Variants in MYOM2 observed in about 807,000 individuals in gnomAD.
The protein encoded by MYOM2 is myomesin-2.
A neutral mutation model predicts 187.6 loss-of-function variants in MYOM2; 254 were observed. That is an observed-to-expected ratio of 1.35 (90% CI 1.22 to 1.50). MYOM2 has a LOEUF of 1.50. Ranked by LOEUF, MYOM2 falls within the 40% of genes most tolerant of loss-of-function variation. MYOM2 has a pLI of 0.00. For missense variants in MYOM2, 2,796 were observed against 1,924.0 expected (o/e 1.45, Z -8.48); for synonymous variants, 981 against 753.8 (o/e 1.30, Z -4.94).
Position 2,098,690 on chromosome 8 carries a change from G to A in MYOM2, c.2314-167G>A, listed in dbSNP as rs991791076. Among the ~76,000 whole-genome samples, 5 of 152,304 alleles carry A rather than the reference G, an allele frequency of 3.3e-5. No homozygotes were observed. The East Asian group carries it at 9.7e-4, about 29-fold the overall frequency. On this transcript the variant is annotated intron_variant, in intron 18 of 36. Coordinates refer to ENST00000262113, the MANE Select transcript of MYOM2 (RefSeq NM_003970.4). ...ACACGTAAGGTTTCATGCGGCTGCAGCTCGTCGGCCACATCGAGGTCCTTC... is the reference window on the plus strand; with the variant it reads ...ACACGTAAGGTTTCATGCGGCTGCAACTCGTCGGCCACATCGAGGTCCTTC...
intron 19 of MYOM2, among the ~76,000 whole-genome samples, chr8:2,100,124 C>T (rs1269996283): frequency 7.0e-4 from 57 of 81,734 alleles, no homozygotes; most frequent in African/African-American, 2.5e-3. Flanking sequence ...TTCCTTCCTT[C>T]CTTCTTTCCT....
At chr8:2,085,036 C>G (rs1819761277) in intron 13 of MYOM2, 1 of 510,724 alleles carries the variant, frequency 2.0e-6, no homozygotes, top group Non-Finnish European at 3.4e-6. Context: ...GATTCCTTTC[C>G]TATGAACAGG....
At position 2,140,498 on chromosome 8, in the gene MYOM2, C is replaced by A. The variant is rs181839356; in HGVS notation, c.3801-225C>A. 4.7e-3 allele frequency among the ~76,000 whole-genome samples: 717 copies of A among 152,286 alleles called. 14 individuals are homozygous for A. Among genetic ancestry groups the A allele is most frequent in the East Asian group, 0.045 (233 of 5,190 alleles). On this transcript the variant is annotated intron_variant, in intron 32 of 36. Transcript: ENST00000262113. Reference sequence around the variant, plus strand: ...ATTATGTCGTGACAAGTATATATTACATAATAATATACCTTTAAAAATTAA... The same window carrying A: ...ATTATGTCGTGACAAGTATATATTAAATAATAATATACCTTTAAAAATTAA...
At chr8:2,105,026 C>T (rs62478419) in intron 21 of MYOM2, among the ~76,000 whole-genome samples, 27,199 of 152,150 alleles carry the variant, frequency 0.18, 2,799 homozygotes, top group East Asian at 0.27. Context: ...GATCCTCTGG[C>T]CTCGGCCTCC....
In MYOM2 at chr8:2,100,951, C is replaced by T. The variant is rs1202756599; in HGVS notation, c.2516C>T (p.Ser839Phe). The change falls in exon 20 of 37, where the codon TCC (serine) becomes TTC (phenylalanine). Residue 839 changes from serine to phenylalanine, a missense_variant. By Grantham distance (155) the Ser-to-Phe change is radical (BLOSUM62 -2). Coordinates refer to ENST00000262113, the MANE Select transcript of MYOM2 (RefSeq NM_003970.4). ...ATGCTGTGGAAGGCCCCTGTGTACT[C>T]CGGCAGCAGCCCTGTTTCTGGATAT... Reference protein sequence around the residue: ...LVMLWKAPVYSGSSPVSGYFV... With the variant: ...LVMLWKAPVYFGSSPVSGYFV... 2 of 1,614,190 alleles carry T rather than the reference C, an allele frequency of 1.2e-6. No homozygotes were observed. Among genetic ancestry groups the T allele is most frequent in the African/African-American group, 1.3e-5 (1 of 75,040 alleles).
chr8:2,102,500 C>T (rs532722407), intron 20 of MYOM2, among the ~76,000 whole-genome samples, 167 bp from the exon 21 acceptor site: 1 of 142,936 alleles, frequency 7.0e-6, no homozygotes, highest in South Asian at 2.4e-4. Flanking sequence ...CATTCTGCAC[C>T]ACTGTGAATC....
chr8:2,069,755 C>T (rs1819151519), intron 8 of MYOM2, among the ~76,000 whole-genome samples: 1 of 152,132 alleles, frequency 6.6e-6, no homozygotes, highest in African/African-American at 2.4e-5. Flanking sequence ...CCAGTGTTAG[C>T]ATGCTGACAA....
At position 2,118,011 on chromosome 8, in the gene MYOM2, G is replaced by A. The variant is rs989686561; in HGVS notation, c.3453+59G>A. 1.6e-5 allele frequency: 24 copies of A among 1,460,050 alleles called. No homozygotes were observed. In the African/African-American group the frequency reaches 2.5e-4, roughly 15 times the overall value. The allele number at this position is 1,460,050 out of a possible 1,614,324, so 90.4% of individuals were successfully genotyped here. On this transcript the variant is annotated intron_variant, in intron 28 of 36. Transcript: ENST00000262113. Reference sequence around the variant, plus strand: ...ATCTCATTCTGGTTCCTATCAGAGAGGCCTTTCAGGGAGTAGCTGTGGCCA... The same window carrying A: ...ATCTCATTCTGGTTCCTATCAGAGAAGCCTTTCAGGGAGTAGCTGTGGCCA...
intron 10 of MYOM2, among the ~76,000 whole-genome samples, chr8:2,075,783 G>T (rs1181052251): frequency 1.3e-5 from 2 of 152,202 alleles, no homozygotes; most frequent in Non-Finnish European, 2.9e-5. Context: ...TTTCTCAGGT[G>T]TTAGAAATGC....
At chr8:2,107,356 C>T (rs1174356618) in intron 23 of MYOM2, among the ~76,000 whole-genome samples, 1 of 152,094 alleles carries the variant, frequency 6.6e-6, no homozygotes, top group Non-Finnish European at 1.5e-5. Context: ...TTTGAATTTC[C>T]AAAAGTTTTC....
chr8:2,134,083 C>T (rs542212812), intron 32 of MYOM2, among the ~76,000 whole-genome samples: 4 of 150,516 alleles, frequency 2.7e-5, no homozygotes, highest in African/African-American at 7.4e-5. Context: ...CAAAACCAGG[C>T]GCTGAATGAT....
intron 3 of MYOM2, among the ~76,000 whole-genome samples, chr8:2,055,958 C>T (rs534631096): frequency 2.0e-5 from 3 of 152,298 alleles, no homozygotes; most frequent in Admixed American, 6.5e-5. Flanking sequence ...CCACCTTTCC[C>T]TCCACCGCCT....
In MYOM2 at chr8:2,081,007, G is replaced by C. The variant is rs1206262665; in HGVS notation, c.1516+1394G>C. On this transcript the variant is annotated intron_variant, in intron 13 of 36. Transcript: ENST00000262113. ...ACAGGCAGCCCAGCCCTTGCAGAAT[G>C]TGGTTTGGTTCTGGCCTGCGGGAGG... Among the ~76,000 whole-genome samples the C allele has an allele frequency of 3.0e-5, 4 of 132,566 alleles. No homozygotes were observed. In the East Asian group the frequency reaches 7.1e-4, roughly 24 times the overall value. 87.0% of individuals were successfully genotyped at this position (132,566 alleles called of 152,430 possible).
At chr8:2,078,345 G>A (rs1245028396) in intron 11 of MYOM2, among the ~76,000 whole-genome samples, 2 of 152,158 alleles carry the variant, frequency 1.3e-5, no homozygotes, top group Non-Finnish European at 2.9e-5. Context: ...GGCCTCAGAC[G>A]GGCCAAGCCG....
In MYOM2 at chr8:2,102,793, A is replaced by C. The variant is rs1223485213; in HGVS notation, c.2734+12A>C. On this transcript the variant is annotated intron_variant, in intron 21 of 36. Coordinates refer to ENST00000262113, the MANE Select transcript of MYOM2 (RefSeq NM_003970.4). ...AGAGGCGAGACCAGGTAAGGCTTAC[A>C]ACAAAAACTACAAAACAGCAATGAT... The C allele has an allele frequency of 5.6e-6, 9 of 1,598,252 alleles. No individual in the cohort carries two copies. Among genetic ancestry groups the C allele is most frequent in the African/African-American group, 2.7e-5 (2 of 74,644 alleles).
chr8:2,117,060 G>C (rs554515237), intron 27 of MYOM2, among the ~76,000 whole-genome samples: 113 of 152,258 alleles, frequency 7.4e-4, no homozygotes, highest in South Asian at 6.2e-3. Flanking sequence ...ACTGCGCCCA[G>C]CCTCAAAAAA....
In MYOM2 at chr8:2,117,897, C is replaced by G; in HGVS notation, c.3398C>G (p.Ala1133Gly). ...TTTTCCTCCCTAGGCCCTCATTTTG[C>G]TGAGTACTTGCACTGGGATGTCACG... ...EFLRKQGPHFAEYLHWDVTEE... is the reference protein window; with the variant it reads ...EFLRKQGPHFGEYLHWDVTEE... Residue 1133 changes from alanine (A) to glycine (G), a missense_variant, in exon 28 of 37, where the codon GCT becomes GGT. Physicochemically the swap from Ala to Gly is moderately conservative, Grantham distance 60. Transcript: ENST00000262113. 1 of 1,611,210 alleles carries G rather than the reference C, an allele frequency of 6.2e-7. No individual in the cohort carries two copies. Among genetic ancestry groups the G allele is most frequent in the Non-Finnish European group, 8.5e-7 (1 of 1,178,672 alleles).
At chr8:2,057,272 G>T (rs1464727131) in intron 3 of MYOM2, 76 bp from the exon 4 acceptor site, 1 of 1,517,100 alleles carries the variant, frequency 6.6e-7, no homozygotes, top group South Asian at 1.3e-5. Flanking sequence ...GAATGGGCAT[G>T]CCCTTTCCGG....
chr8:2,116,938 T>C lies in MYOM2; in HGVS notation c.3385+663T>C, dbSNP rs548630824. On this transcript the variant is annotated intron_variant, in intron 27 of 36. Transcript: ENST00000262113. ...ATGCCCGGTTAATTTTTTCTGTATT[T>C]TTAGTAGAGACGGACGGGGTTTCAC... Among the ~76,000 whole-genome samples the C allele has an allele frequency of 9.1e-5, 6 of 66,016 alleles. No homozygotes were observed. In the South Asian group the frequency reaches 2.4e-3, roughly 26 times the overall value. The allele number at this position is 66,016 out of a possible 152,430, so 43.3% of individuals were successfully genotyped here. A position where few individuals can be genotyped will look rare whatever the true frequency, so the allele number is the denominator to read the frequency against.
Sources: gnomAD v4.1 joint callset for allele counts (sites outside exome capture counted in the v4.1 genomes callset) on GRCh38, gnomAD v4.1.1 for gene constraint, MANE v1.5 for transcripts, NCBI Gene and HGNC (gene_info 2026-07-23, HGNC 2026-07-21) for gene names.